The following SEM1 variants were observed in gnomAD, a reference collection of about 807,000 sequenced individuals.
The protein encoded by SEM1 is 26S proteasome complex subunit SEM1.
SEM1 carries 3 observed loss-of-function variants against 12.7 expected under a neutral mutation model. The ratio of observed to expected loss-of-function variants is 0.24; its 90% CI spans 0.11 to 0.61. The LOEUF (loss-of-function observed/expected upper bound fraction) is 0.61. Ranked by LOEUF, SEM1 falls within the 20% of genes least tolerant of loss-of-function variation. The probability of loss-of-function intolerance (pLI) is 0.88; values close to 1 mark genes in which losing one functional copy is unlikely to be tolerated. For missense variants in SEM1, 59 were observed against 81.3 expected, an observed-to-expected ratio of 0.73 and a Z score of 1.06; for synonymous variants, 30 against 27.8, an observed-to-expected ratio of 1.08 and a Z score of -0.25.
At chr7:96,513,537 A>T (rs1045505994) in intron 2 of SEM1, among the ~76,000 whole-genome samples, 2 of 152,070 alleles carry the variant, frequency 1.3e-5, no homozygotes, top group Non-Finnish European at 2.9e-5. Flanking sequence ...ATATGTATGT[A>T]AAGAACGTAG....
intron 1 of SEM1, among the ~76,000 whole-genome samples, chr7:96,702,148 T>C (rs189888559): frequency 1.2e-3 from 183 of 152,272 alleles, no homozygotes; most frequent in African/African-American, 4.3e-3. Flanking sequence ...TTTCTCACTA[T>C]TGGAGAAGGG....
At chr7:96,651,893 A>G (rs1809000867) in intron 2 of SEM1, among the ~76,000 whole-genome samples, 1 of 152,186 alleles carries the variant, frequency 6.6e-6, no homozygotes. Context: ...TTTAAGATGC[A>G]AAAACATGGG....
chr7:96,618,031 T>C (rs1039311950), downstream of SEM1, among the ~76,000 whole-genome samples: 1 of 152,196 alleles, frequency 6.6e-6, no homozygotes, highest in East Asian at 1.9e-4. Flanking sequence ...CAGGGTGACA[T>C]TGGCCTCACA....
downstream of SEM1, among the ~76,000 whole-genome samples, chr7:96,670,923 G>C (rs187512830): frequency 1.2e-4 from 18 of 152,178 alleles, no homozygotes; most frequent in African/African-American, 4.3e-4. Context: ...ATATAGGGAG[G>C]GAGAGAAATC....
At chr7:96,701,620 T>C (rs530109191) in intron 1 of SEM1, among the ~76,000 whole-genome samples, 9 of 152,238 alleles carry the variant, frequency 5.9e-5, no homozygotes, top group African/African-American at 2.2e-4. Context: ...TAATAAATAT[T>C]ATTAGCCATA....
chr7:96,574,378 T>C (rs961619688), intron 2 of SEM1, among the ~76,000 whole-genome samples: 5 of 117,042 alleles, frequency 4.3e-5, no homozygotes, highest in African/African-American at 1.6e-4. Flanking sequence ...CTATTGTGAA[T>C]AGTGCCGCAA....
intron 2 of SEM1, among the ~76,000 whole-genome samples, chr7:96,588,320 C>T (rs966244776): frequency 6.6e-6 from 1 of 150,672 alleles, no homozygotes; most frequent in Admixed American, 6.6e-5. Context: ...GAACTCCAGC[C>T]TGTGCAACAG....
At chr7:96,535,850 C>T (rs900880501) in intron 2 of SEM1, among the ~76,000 whole-genome samples, 1 of 151,898 alleles carries the variant, frequency 6.6e-6, no homozygotes, top group African/African-American at 2.4e-5. Flanking sequence ...TTTCTTTATT[C>T]AGTCTACCAC....
intron 2 of SEM1, among the ~76,000 whole-genome samples, chr7:96,641,430 A>G (rs1808607031): frequency 6.6e-6 from 1 of 152,008 alleles, no homozygotes; most frequent in African/African-American, 2.4e-5. Context: ...TATTTAAATT[A>G]TTTTAATTCT....
chr7:96,572,414 G>T (rs1806064792), intron 2 of SEM1, among the ~76,000 whole-genome samples: 1 of 152,090 alleles, frequency 6.6e-6, no homozygotes, highest in East Asian at 1.9e-4. Context: ...TCTCCTGTTG[G>T]CATCTAGCGC....
chr7:96,539,502 A>C (rs1804884654), intron 2 of SEM1, among the ~76,000 whole-genome samples: 1 of 151,802 alleles, frequency 6.6e-6, no homozygotes, highest in African/African-American at 2.4e-5. Flanking sequence ...TGAGCCATTT[A>C]AAATATAATG....
intron 2 of SEM1, among the ~76,000 whole-genome samples, chr7:96,485,877 C>A (rs79389523): frequency 1.4e-3 from 219 of 152,136 alleles, no homozygotes; most frequent in African/African-American, 5.0e-3. Context: ...TGCAAAATCT[C>A]TTTTACTCTG....
At chr7:96,694,942 C>A in intron 1 of SEM1, 51 bp from the exon 2 acceptor site, 1 of 1,370,602 alleles carries the variant, frequency 7.3e-7, no homozygotes, top group Non-Finnish European at 1.0e-6. Flanking sequence ...ATTATTTCCA[C>A]AATTACAAAA....
At position 96,709,659 on chromosome 7, in the gene SEM1, C is replaced by T. The variant is rs753215047; in HGVS notation, c.76+29G>A. The T allele has an allele frequency of 1.9e-6, 3 of 1,607,900 alleles. No homozygotes were observed. In the South Asian group the frequency reaches 3.3e-5, roughly 18 times the overall value. ...ACGGAGGCCTGAGTCACCGTTCGCG[C>T]GACACAGAAACCGGGGCCCAGCGGT... On this transcript the variant is annotated intron_variant, in intron 1 of 2. Transcript: ENST00000248566.
chr7:96,582,850 G>T (rs1309213571), intron 2 of SEM1, among the ~76,000 whole-genome samples: 2 of 152,116 alleles, frequency 1.3e-5, no homozygotes, highest in South Asian at 2.1e-4. Flanking sequence ...GCGTCTATTT[G>T]ATTCTTCTCT....
intron 2 of SEM1, among the ~76,000 whole-genome samples, chr7:96,588,134 C>T (rs536265919): frequency 6.6e-5 from 10 of 152,092 alleles, no homozygotes; most frequent in East Asian, 3.9e-4. Flanking sequence ...TTTTGGAGGC[C>T]GAGGTGGAAG....
At chr7:96,588,122 AC>A (rs1474069612) in intron 2 of SEM1, among the ~76,000 whole-genome samples, 2 of 152,138 alleles carry the variant, frequency 1.3e-5, no homozygotes, top group Non-Finnish European at 2.9e-5. Flanking sequence ...TAATCCCAGA[AC>A]TTTTGGAGGC....
At chr7:96,485,899 G>A (rs1802735203) in intron 2 of SEM1, among the ~76,000 whole-genome samples, 1 of 152,062 alleles carries the variant, frequency 6.6e-6, no homozygotes, top group Non-Finnish European at 1.5e-5. Context: ...AAGCCAACAT[G>A]TTCACAGTGT....
intron 2 of SEM1, among the ~76,000 whole-genome samples, chr7:96,616,251 T>A (rs7777954): frequency 0.12 from 18,991 of 152,246 alleles, 1,221 homozygotes; most frequent in Middle Eastern, 0.2. Context: ...TGGTGTTTGA[T>A]GGTATCTCAT....
Sources: gnomAD v4.1 joint callset for allele counts (sites outside exome capture counted in the v4.1 genomes callset) on GRCh38, gnomAD v4.1.1 for gene constraint, MANE v1.5 for transcripts, NCBI Gene and HGNC (gene_info 2026-07-23, HGNC 2026-07-21) for gene names.